Variants in SGCD observed in about 807,000 individuals in gnomAD.
SGCD encodes delta-sarcoglycan.
A neutral mutation model predicts 36.6 loss-of-function variants in SGCD; 18 were observed. The ratio of observed to expected loss-of-function variants is 0.49; its 90% CI spans 0.34 to 0.73. SGCD has a LOEUF of 0.73. SGCD is among the 30% of genes least tolerant of loss of function. SGCD has a pLI of 0.01. For synonymous variants in SGCD, 133 were observed against 130.6 expected (o/e 1.02, Z -0.12); for missense variants, 387 against 346.7 (o/e 1.12, Z -0.92).
intron 1 of SGCD, among the ~76,000 whole-genome samples, chr5:155,929,329 T>C (rs1321123868): frequency 6.6e-6 from 1 of 152,194 alleles, no homozygotes; most frequent in Non-Finnish European, 1.5e-5. Flanking sequence ...AGGAATTCCT[T>C]ATCTCAGTAA....
At chr5:155,983,036 G>T (rs1758260486) in intron 1 of SGCD, among the ~76,000 whole-genome samples, 1 of 152,152 alleles carries the variant, frequency 6.6e-6, no homozygotes, top group Non-Finnish European at 1.5e-5. Flanking sequence ...GAAATAGGCT[G>T]CTAAATAATT....
chr5:155,895,701 A>C (rs1271925642), intron 1 of SGCD, among the ~76,000 whole-genome samples: 1 of 149,196 alleles, frequency 6.7e-6, no homozygotes, highest in African/African-American at 2.4e-5. Context: ...AAAAAAAAAA[A>C]CATGAAGAAC....
At chr5:156,582,887 C>G (rs963990061) in intron 4 of SGCD, among the ~76,000 whole-genome samples, 1 of 152,136 alleles carries the variant, frequency 6.6e-6, no homozygotes, top group Non-Finnish European at 1.5e-5. Flanking sequence ...TCCTGAGAAG[C>G]TTCTTTGAAT....
intron 1 of SGCD, among the ~76,000 whole-genome samples, chr5:155,912,394 CAG>C (rs1417888175): frequency 1.3e-5 from 2 of 152,172 alleles, no homozygotes; most frequent in Non-Finnish European, 2.9e-5. Flanking sequence ...TACACACCAA[CAG>C]AGAAAATGCC....
chr5:155,902,573 G>A (rs1050021294), intron 1 of SGCD, among the ~76,000 whole-genome samples: 1 of 152,060 alleles, frequency 6.6e-6, no homozygotes, highest in African/African-American at 2.4e-5. Context: ...ATGCAAACCA[G>A]GTCAGGAACC....
chr5:156,459,455 G>A (rs1469310179), intron 3 of SGCD, among the ~76,000 whole-genome samples: 1 of 152,130 alleles, frequency 6.6e-6, no homozygotes, highest in Non-Finnish European at 1.5e-5. Context: ...CAACGGTTTG[G>A]CAACTATTTC....
intron 3 of SGCD, among the ~76,000 whole-genome samples, chr5:156,444,420 C>CCAGATGTGT (rs995436927): frequency 6.6e-6 from 1 of 152,086 alleles, no homozygotes; most frequent in Non-Finnish European, 1.5e-5. Context: ...GGTTAGGCTT[C>CCAGATGTGT]CAGATGTGTT....
intron 3 of SGCD, among the ~76,000 whole-genome samples, chr5:156,402,863 C>T (rs1010638539): frequency 1.3e-5 from 2 of 152,078 alleles, no homozygotes; most frequent in Non-Finnish European, 2.9e-5. Context: ...ACCGCGTTCC[C>T]CAAAGACATG....
intron 1 of SGCD, among the ~76,000 whole-genome samples, chr5:156,013,577 T>G (rs375001769): frequency 6.6e-6 from 1 of 152,192 alleles, no homozygotes; most frequent in Non-Finnish European, 1.5e-5. Context: ...GTATTTAAGC[T>G]TTTTTCTTTG....
intron 7 of SGCD, among the ~76,000 whole-genome samples, chr5:156,674,408 C>T (rs890549617): frequency 9.9e-5 from 15 of 152,172 alleles, no homozygotes; most frequent in African/African-American, 3.6e-4. Flanking sequence ...AGAGAATTTT[C>T]TTCTTTATTC....
At chr5:156,190,223 G>T (rs1256864389) in intron 3 of SGCD, among the ~76,000 whole-genome samples, 1 of 152,070 alleles carries the variant, frequency 6.6e-6, no homozygotes, top group African/African-American at 2.4e-5. Flanking sequence ...CCATACTCAG[G>T]CTCAGCCAGA....
At chr5:156,238,868 T>C (rs1218106846) in intron 3 of SGCD, among the ~76,000 whole-genome samples, 1 of 152,142 alleles carries the variant, frequency 6.6e-6, no homozygotes, top group Non-Finnish European at 1.5e-5. Flanking sequence ...CCTTTTTAAT[T>C]ATGATATTAA....
intron 4 of SGCD, among the ~76,000 whole-genome samples, chr5:156,587,416 A>T (rs2113362016): frequency 6.6e-6 from 1 of 152,350 alleles, no homozygotes; most frequent in African/African-American, 2.4e-5. Flanking sequence ...TGTCAGCCAC[A>T]TCACATCAAA....
intron 8 of SGCD, 69 bp from the exon 9 acceptor site, chr5:156,759,148 G>A: frequency 8.1e-7 from 1 of 1,229,290 alleles, no homozygotes; most frequent in Non-Finnish European, 1.2e-6. Flanking sequence ...TTCACTTGCT[G>A]TTTCTGAATG....
At chr5:156,512,756 A>G (rs1756999085) in intron 4 of SGCD, among the ~76,000 whole-genome samples, 1 of 152,102 alleles carries the variant, frequency 6.6e-6, no homozygotes, top group African/African-American at 2.4e-5. Flanking sequence ...CTCCATTTTA[A>G]TCCCCCCATC....
At chr5:156,069,167 C>T (rs1760447517) in intron 1 of SGCD, among the ~76,000 whole-genome samples, 2 of 152,046 alleles carry the variant, frequency 1.3e-5, no homozygotes, top group Admixed American at 6.6e-5. Flanking sequence ...GTTGCCATTG[C>T]TTTTGGTGTT....
chr5:156,258,113 C>G (rs1416368957), intron 3 of SGCD, among the ~76,000 whole-genome samples: 1 of 152,002 alleles, frequency 6.6e-6, no homozygotes, highest in African/African-American at 2.4e-5. Context: ...AAGCTTGTCA[C>G]TTTAAGGAAA....
intron 4 of SGCD, among the ~76,000 whole-genome samples, chr5:156,509,993 T>C (rs1374245075): frequency 6.6e-6 from 1 of 152,220 alleles, no homozygotes; most frequent in Non-Finnish European, 1.5e-5. Context: ...TTGTGTGCAT[T>C]GATTAGCATA....
intron 1 of SGCD, among the ~76,000 whole-genome samples, chr5:156,106,305 G>A (rs554794100): frequency 6.6e-6 from 1 of 152,190 alleles, no homozygotes; most frequent in East Asian, 1.9e-4. Context: ...AGAGCTAGCT[G>A]TGTGGAAACT....
Sources: gnomAD v4.1 joint callset for allele counts (sites outside exome capture counted in the v4.1 genomes callset) on GRCh38, gnomAD v4.1.1 for gene constraint, MANE v1.5 for transcripts, NCBI Gene and HGNC (gene_info 2026-07-23, HGNC 2026-07-21) for gene names.